The following RAB37 variants were observed in gnomAD, a reference collection of about 807,000 sequenced individuals.
The protein encoded by RAB37 is RAB37, member RAS oncogene family.
A neutral mutation model predicts 33.1 loss-of-function variants in RAB37; 29 were observed. The ratio of observed to expected loss-of-function variants is 0.88; its 90% CI spans 0.65 to 1.20. The LOEUF is 1.20. Among genes scored for constraint, RAB37 ranks in the 50% most tolerant of loss-of-function variants. The pLI is 0.00. For missense variants in RAB37, 299 were observed against 301.1 expected, an observed-to-expected ratio of 0.99 and a Z score of 0.05; for synonymous variants, 128 against 119.5, an observed-to-expected ratio of 1.07 and a Z score of -0.47.
upstream of RAB37, among the ~76,000 whole-genome samples, chr17:74,735,014 GAAGGAAGAAAGA>G (rs1331902727): frequency 2.8e-4 from 18 of 64,230 alleles, no homozygotes; most frequent in South Asian, 1.1e-3. Context: ...AGAAAGGAAG[GAAGGAAGAAAGA>G]AAGAAAGAAA....
chr17:74,712,748 G>T, intron 1 of RAB37: 3 of 1,500,606 alleles, frequency 2.0e-6, no homozygotes, highest in Non-Finnish European at 2.8e-6. Flanking sequence ...TTCTGGCCGG[G>T]TCCCTTCTTC....
At position 74,729,217 on chromosome 17, in the gene RAB37, T is replaced by C; in HGVS notation, c.73-39T>C. 1 of 1,508,910 alleles carries C rather than the reference T, an allele frequency of 6.6e-7. No homozygotes were observed. 93.5% of individuals were successfully genotyped at this position (1,508,910 alleles called of 1,614,324 possible). A position where few individuals can be genotyped will look rare whatever the true frequency, so the allele number is the denominator to read the frequency against. On this transcript the variant is annotated intron_variant, in intron 1 of 7. Transcript: ENST00000340415. The surrounding 1 kb of genome is among the most constrained non-coding windows in gnomAD (Gnocchi z 4.2). ...AGGACACCTCTGAGGCCAACTCACA[T>C]CACAGGCCCTCAGCTCTCTCTCTAT... is the stretch of plus-strand genomic sequence containing the variant.
At chr17:74,704,878 GT>G in intron 1 of RAB37, 1 of 1,323,358 alleles carries the variant, frequency 7.6e-7, no homozygotes, top group Non-Finnish European at 1.1e-6. Flanking sequence ...ACAGCTTTCT[GT>G]TTAGGGAATA....
chr17:74,712,562 G>A (rs541155912), intron 1 of RAB37, among the ~76,000 whole-genome samples: 8 of 152,332 alleles, frequency 5.3e-5, no homozygotes, highest in South Asian at 2.1e-4. Context: ...TTCCCTGGCC[G>A]GCGGGGCCTA....
intron 2 of RAB37, 82 bp downstream of exon 2, chr17:74,740,960 A>G: frequency 9.6e-7 from 1 of 1,045,028 alleles, no homozygotes; most frequent in South Asian, 1.3e-5. Context: ...CACCTTGCTC[A>G]CCCTGGCTCC....
intron 1 of RAB37, among the ~76,000 whole-genome samples, chr17:74,708,129 C>G (rs1207259524): frequency 1.8e-5 from 2 of 108,636 alleles, no homozygotes; most frequent in Admixed American, 1.1e-4. Flanking sequence ...GGCTGAACAA[C>G]AGAACAAGAC....
At chr17:74,717,427 T>A (rs1567806021) in intron 1 of RAB37, among the ~76,000 whole-genome samples, 1 of 152,188 alleles carries the variant, frequency 6.6e-6, no homozygotes, top group Non-Finnish European at 1.5e-5. Context: ...ACCTTCAATG[T>A]GATGGCATTA....
chr17:74,686,738 G>C (rs2032063153), intron 1 of RAB37, among the ~76,000 whole-genome samples: 1 of 152,050 alleles, frequency 6.6e-6, no homozygotes, highest in Non-Finnish European at 1.5e-5. Context: ...ATCTCCACTG[G>C]TTCTTTCCCT....
chr17:74,726,669 T>C (rs1241617428), intron 1 of RAB37, among the ~76,000 whole-genome samples: 2 of 152,208 alleles, frequency 1.3e-5, no homozygotes, highest in African/African-American at 4.8e-5. Context: ...GGCACAGTCA[T>C]GGGACATCCA....
At chr17:74,690,196 A>G (rs535324118) in intron 1 of RAB37, among the ~76,000 whole-genome samples, 46 of 152,232 alleles carry the variant, frequency 3.0e-4, no homozygotes, top group African/African-American at 1.1e-3. Context: ...CCTGGGCTCA[A>G]TCGATCACCC....
intron 1 of RAB37, among the ~76,000 whole-genome samples, chr17:74,727,033 C>A (rs1282028013): frequency 2.0e-5 from 3 of 152,168 alleles, no homozygotes; most frequent in Non-Finnish European, 4.4e-5. Context: ...TCAAACATTT[C>A]ATCTGAACTT....
Position 74,744,760 on chromosome 17 carries a change from T to C in RAB37, c.433-113T>C. The C allele has an allele frequency of 1.6e-6, 2 of 1,268,010 alleles. No homozygotes were observed. Among genetic ancestry groups the C allele is most frequent in the South Asian group, 1.2e-5 (1 of 83,176 alleles). The allele number at this position is 1,268,010 out of a possible 1,614,324, so 78.5% of individuals were successfully genotyped here. On this transcript the variant is annotated intron_variant, in intron 6 of 8. Coordinates refer to ENST00000392613, the MANE Select transcript of RAB37 (RefSeq NM_001006638.3). The surrounding 1 kb of genome is among the most constrained non-coding windows in gnomAD (Gnocchi z 4.2). Reference sequence around the variant, plus strand: ...TGGCCCCAGGCCAATCACACCTGCCTGCAGTCCCTTGGGCCACCAGCAGAG... The same window carrying C: ...TGGCCCCAGGCCAATCACACCTGCCCGCAGTCCCTTGGGCCACCAGCAGAG...
chr17:74,733,618 T>A (rs2034425500), upstream of RAB37, among the ~76,000 whole-genome samples: 1 of 70,268 alleles, frequency 1.4e-5, no homozygotes, highest in Admixed American at 1.8e-4. Flanking sequence ...TGCACACGTG[T>A]GAGTGTCTGT....
At position 74,697,930 on chromosome 17, in the gene RAB37, G is replaced by A. The variant is rs140032933; in HGVS notation, c.72+26272G>A. On this transcript the variant is annotated intron_variant, in intron 1 of 7. Transcript: ENST00000340415. ...ATGCAGTGTGTGTGCCCATGATCGCGCATGTGTGTGTGCATCCACTGGTGT... is the reference window on the plus strand; with the variant it reads ...ATGCAGTGTGTGTGCCCATGATCGCACATGTGTGTGTGCATCCACTGGTGT... Among the ~76,000 whole-genome samples the A allele has an allele frequency of 3.2e-4, 49 of 152,238 alleles. No individual in the cohort carries two copies. In the East Asian group the frequency reaches 8.3e-3, roughly 26 times the overall value.
chr17:74,685,259 A>T (rs559260005), intron 1 of RAB37, among the ~76,000 whole-genome samples: 2 of 152,276 alleles, frequency 1.3e-5, no homozygotes, highest in Non-Finnish European at 2.9e-5. Context: ...ATCTCGGCTC[A>T]CTGCAACCTC....
At chr17:74,736,715 C>T, upstream of RAB37, 1 of 1,535,690 alleles carries the variant, frequency 6.5e-7, no homozygotes, top group Non-Finnish European at 8.7e-7. Flanking sequence ...AACACCGCAG[C>T]GTACATGTGC....
At position 74,676,470 on chromosome 17, in the gene RAB37, T is replaced by C. The variant is rs1207984324; in HGVS notation, c.72+4812T>C. Among the ~76,000 whole-genome samples, 1 of 152,178 alleles carries C rather than the reference T, an allele frequency of 6.6e-6. No individual in the cohort carries two copies. Among genetic ancestry groups the C allele is most frequent in the African/African-American group, 2.4e-5 (1 of 41,446 alleles). ...CCTCCGACTGCTCTAACACCTCTTC[T>C]GGGTGAAAGGAAAAGGCAAGCAGGT... On this transcript the variant is annotated intron_variant, in intron 1 of 7. Transcript: ENST00000340415. The surrounding 1 kb of genome is among the most constrained non-coding windows in gnomAD (Gnocchi z 4.1).
Position 74,723,575 on chromosome 17 carries a change from C to CTT in RAB37, c.73-5661_73-5660dup, listed in dbSNP as rs35936012. Among the ~76,000 whole-genome samples the CTT allele has an allele frequency of 6.6e-4, 88 of 133,174 alleles. 1 individual carries two copies. The highest frequency in any genetic ancestry group is 8.5e-4 in the Non-Finnish European group (53 of 62,128). The allele number at this position is 133,174 out of a possible 152,430, so 87.4% of individuals were successfully genotyped here. A position where few individuals can be genotyped will look rare whatever the true frequency, so the allele number is the denominator to read the frequency against. Reference sequence around the variant, plus strand: ...TTCTGTCTGAACCACAATTAACTAACTTTTTTTTTTTTTTTTTTTTTGAGA... The same window carrying CTT: ...TTCTGTCTGAACCACAATTAACTAACTTTTTTTTTTTTTTTTTTTTTTTGAGA... On this transcript the variant is annotated intron_variant, in intron 1 of 7. Coordinates refer to the RAB37 transcript ENST00000340415.
chr17:74,674,349 G>A (rs1452323235), intron 1 of RAB37, among the ~76,000 whole-genome samples: 1 of 151,666 alleles, frequency 6.6e-6, no homozygotes, highest in Non-Finnish European at 1.5e-5. Flanking sequence ...CCAAAGTGCT[G>A]GCATTATATG....
Sources: gnomAD v4.1 joint callset for allele counts (sites outside exome capture counted in the v4.1 genomes callset) on GRCh38, gnomAD v4.1.1 for gene constraint, Gnocchi (gnomAD v3.1) non-coding constraint, MANE v1.5 for transcripts, NCBI Gene and HGNC (gene_info 2026-07-23, HGNC 2026-07-21) for gene names.